Variants in PLEKHA5 observed in about 807,000 individuals in gnomAD.
PLEKHA5 encodes the protein pleckstrin homology domain containing A5.
A neutral mutation model predicts 181.9 loss-of-function variants in PLEKHA5; 55 were observed. The ratio of observed to expected loss-of-function variants is 0.30; its 90% CI spans 0.24 to 0.38. PLEKHA5 has a LOEUF of 0.38. Among genes scored for constraint, PLEKHA5 ranks in the 10% least tolerant of loss-of-function variants. The pLI is 1.00. For synonymous variants in PLEKHA5, 535 were observed against 529.4 expected (o/e 1.01, Z -0.15); for missense variants, 1,432 against 1,549.5 (o/e 0.92, Z 1.27).
intron 20 of PLEKHA5, among the ~76,000 whole-genome samples, chr12:19,323,769 T>A (rs2091464007): frequency 6.8e-6 from 1 of 146,166 alleles, no homozygotes; most frequent in Admixed American, 7.0e-5. Context: ...TGAGCCAAGA[T>A]CATGCCATTG....
intron 3 of PLEKHA5, among the ~76,000 whole-genome samples, chr12:19,160,913 A>G (rs2042816649): frequency 1.3e-5 from 2 of 152,170 alleles, no homozygotes; most frequent in South Asian, 2.1e-4. Flanking sequence ...ACATGGAAAT[A>G]GAATCAATAA....
At chr12:19,191,408 T>C (rs1565446729) in intron 3 of PLEKHA5, among the ~76,000 whole-genome samples, 2 of 152,174 alleles carry the variant, frequency 1.3e-5, no homozygotes, top group Non-Finnish European at 2.9e-5. Flanking sequence ...TAATGTTGAG[T>C]GTTGTTGAAT....
chr12:19,334,832 ATATATATATATAT>A (rs2093236554), intron 20 of PLEKHA5, among the ~76,000 whole-genome samples: 6 of 25,378 alleles, frequency 2.4e-4, no homozygotes, highest in African/African-American at 6.9e-4. Context: ...AAAAAAAAAT[ATATATATATATAT>A]ATATATATAT....
intron 3 of PLEKHA5, among the ~76,000 whole-genome samples, chr12:19,138,462 A>C (rs1161480382): frequency 4.0e-5 from 6 of 151,208 alleles, no homozygotes; most frequent in Non-Finnish European, 7.4e-5. Flanking sequence ...AGTCCCAGCT[A>C]CTCGGGAGGC....
At chr12:19,306,959 C>CTA (rs2084030507) in intron 15 of PLEKHA5, 2 of 1,260,810 alleles carry the variant, frequency 1.6e-6, no homozygotes, top group Admixed American at 3.6e-5. Flanking sequence ...CTGCCTACTC[C>CTA]TAACCCACTT....
chr12:19,323,240 A>G (rs2091338406), intron 20 of PLEKHA5, among the ~76,000 whole-genome samples: 1 of 151,938 alleles, frequency 6.6e-6, no homozygotes, highest in Non-Finnish European at 1.5e-5. Context: ...GAAAATAAGT[A>G]GTCTGGATGT....
At chr12:19,311,578 T>C (rs2086579426) in intron 15 of PLEKHA5, among the ~76,000 whole-genome samples, 2 of 152,274 alleles carry the variant, frequency 1.3e-5, no homozygotes, top group South Asian at 2.1e-4. Flanking sequence ...CAGGAGTAGA[T>C]TTTATCTCAA....
chr12:19,310,239 A>G (rs2085967547), intron 15 of PLEKHA5, among the ~76,000 whole-genome samples: 1 of 152,184 alleles, frequency 6.6e-6, no homozygotes, highest in Non-Finnish European at 1.5e-5. Context: ...GACTGTTAAC[A>G]CCACTCTTAA....
chr12:19,345,387 G>A (rs1294301103), intron 22 of PLEKHA5, among the ~76,000 whole-genome samples: 6 of 145,916 alleles, frequency 4.1e-5, no homozygotes, highest in African/African-American at 5.1e-5. Flanking sequence ...GCGACAGAGC[G>A]AAACTCTGTC....
chr12:19,187,837 A>G (rs1297233001), intron 3 of PLEKHA5, among the ~76,000 whole-genome samples: 1 of 152,208 alleles, frequency 6.6e-6, no homozygotes, highest in Non-Finnish European at 1.5e-5. Flanking sequence ...AAATGAAACT[A>G]GACCATTTTA....
intron 12 of PLEKHA5, among the ~76,000 whole-genome samples, chr12:19,287,189 G>A (rs2077404253): frequency 6.6e-6 from 1 of 151,934 alleles, no homozygotes; most frequent in Non-Finnish European, 1.5e-5. Context: ...AGTAGAGAAA[G>A]GACAGGGTTT....
At chr12:19,294,912 T>C (rs1401522444) in intron 15 of PLEKHA5, among the ~76,000 whole-genome samples, 2 of 152,194 alleles carry the variant, frequency 1.3e-5, no homozygotes, top group East Asian at 3.9e-4. Context: ...TGTATTAAAG[T>C]GGTTTAAAAA....
At position 19,243,970 on chromosome 12, in the gene PLEKHA5, T is replaced by A. The variant is rs555299892; in HGVS notation, c.228-9970T>A. ...AAAAATAAATTGCAGAAACTGTCTT[T>A]GTGGCAGCCAGATTTCAACAGGACA... On this transcript the variant is annotated intron_variant, in intron 3 of 31. Transcript: ENST00000429027. 4.6e-5 allele frequency among the ~76,000 whole-genome samples: 7 copies of A among 152,336 alleles called. No individual in the cohort carries two copies. The South Asian group carries it at 1.4e-3, about 32-fold the overall frequency.
At chr12:19,354,300 C>G (rs1466521620) in intron 26 of PLEKHA5, among the ~76,000 whole-genome samples, 1 of 147,718 alleles carries the variant, frequency 6.8e-6, no homozygotes, top group African/African-American at 2.5e-5. Context: ...TACAGGCGCC[C>G]GCCACCACGC....
chr12:19,218,423 T>A (rs529819479), intron 3 of PLEKHA5, among the ~76,000 whole-genome samples: 1 of 152,342 alleles, frequency 6.6e-6, no homozygotes, highest in South Asian at 2.1e-4. Flanking sequence ...ATATATTTAA[T>A]GTAATTGGCA....
intron 29 of PLEKHA5, among the ~76,000 whole-genome samples, chr12:19,362,930 C>A (rs1044667978): frequency 1.1e-4 from 16 of 143,192 alleles, no homozygotes; most frequent in Non-Finnish European, 2.2e-4. Flanking sequence ...ACCCATGGAT[C>A]TGGAGGGCCA....
intron 30 of PLEKHA5, 23 bp from the exon 31 acceptor site, chr12:19,369,670 C>T (rs2095528443): frequency 6.9e-7 from 1 of 1,459,688 alleles, no homozygotes; most frequent in South Asian, 1.2e-5. Flanking sequence ...TTTATCTTCT[C>T]CCATTTTCTT....
intron 3 of PLEKHA5, among the ~76,000 whole-genome samples, chr12:19,241,759 TA>T (rs11357680): frequency 0.85 from 122,236 of 144,042 alleles, 53,250 homozygotes; most frequent in Non-Finnish European, 0.97. Context: ...AGATTCCATC[TA>T]AAAAAAAAAA....
intron 3 of PLEKHA5, chr12:19,207,417 G>A (rs2055849025): frequency 6.6e-6 from 1 of 152,044 alleles, no homozygotes; most frequent in Non-Finnish European, 1.5e-5. Flanking sequence ...TCTTTGCCAG[G>A]TTTCTAGATA....
Sources: allele counts gnomAD v4.1 joint callset (sites outside exome capture counted in the v4.1 genomes callset), GRCh38; gene constraint gnomAD v4.1.1; transcripts MANE v1.5; gene names NCBI Gene and HGNC (gene_info 2026-07-23, HGNC 2026-07-21).